The following CCDC73 variants were observed in gnomAD, a reference collection of about 807,000 sequenced individuals.
CCDC73 encodes the protein coiled-coil domain-containing protein 73.
CCDC73 carries 95 observed loss-of-function variants against 116.5 expected under a neutral mutation model. The observed-to-expected ratio is 0.82, with a 90% CI of 0.69 to 0.97. CCDC73 has a LOEUF of 0.97. Among genes scored for constraint, CCDC73 ranks in the 50% least tolerant of loss-of-function variants. CCDC73 has a pLI of 0.00. For missense variants in CCDC73, 1,066 were observed against 1,206.8 expected (o/e 0.88, Z 1.73); for synonymous variants, 398 against 401.3 (o/e 0.99, Z 0.10).
intron 12 of CCDC73, among the ~76,000 whole-genome samples, chr11:32,651,793 T>C (rs894894892): frequency 6.6e-6 from 1 of 152,168 alleles, no homozygotes; most frequent in Non-Finnish European, 1.5e-5. Context: ...CTGATGGTAG[T>C]TTTTATGTGG....
chr11:32,684,151 A>T (rs1292463682), intron 6 of CCDC73, among the ~76,000 whole-genome samples: 1 of 152,126 alleles, frequency 6.6e-6, no homozygotes, highest in African/African-American at 2.4e-5. Context: ...GGGCTCAAGC[A>T]ATCCTCCTGC....
At chr11:32,630,262 A>G (rs992870097) in intron 14 of CCDC73, among the ~76,000 whole-genome samples, 3 of 152,228 alleles carry the variant, frequency 2.0e-5, no homozygotes, top group African/African-American at 7.2e-5. Flanking sequence ...AAACTCTAGA[A>G]TAAGGATTGG....
intron 1 of CCDC73, among the ~76,000 whole-genome samples, chr11:32,767,642 C>T (rs1343654614): frequency 6.6e-6 from 1 of 152,118 alleles, no homozygotes; most frequent in Non-Finnish European, 1.5e-5. Flanking sequence ...ACAAACAACC[C>T]CATCATAAAG....
At chr11:32,702,729 T>G (rs1849824809) in intron 4 of CCDC73, 144 bp downstream of exon 4, 4 of 658,450 alleles carry the variant, frequency 6.1e-6, no homozygotes, top group African/African-American at 1.8e-5. Context: ...TAAAAATGAT[T>G]TTATTCATTT....
At position 32,716,999 on chromosome 11, in the gene CCDC73, C is replaced by T. The variant is rs534960230; in HGVS notation, c.207+1077G>A. On this transcript the variant is annotated intron_variant, in intron 3 of 17. Transcript: ENST00000335185. ...GTACTTAGTATTTACCTATTCTTTCCCTCCATATTCTTTCCCTCCACAGAT... is the reference window on the plus strand; with the variant it reads ...GTACTTAGTATTTACCTATTCTTTCTCTCCATATTCTTTCCCTCCACAGAT... 4.6e-5 allele frequency among the ~76,000 whole-genome samples: 7 copies of T among 152,162 alleles called. No homozygotes were observed. In the South Asian group the frequency reaches 1.5e-3, roughly 32 times the overall value.
At chr11:32,659,534 AAG>A (rs1855903230) in intron 9 of CCDC73, among the ~76,000 whole-genome samples, 1 of 150,062 alleles carries the variant, frequency 6.7e-6, no homozygotes, top group African/African-American at 2.5e-5. Flanking sequence ...AATTTATTTT[AAG>A]AGTAGACGAC....
chr11:32,776,029 T>C (rs1173252559), intron 1 of CCDC73, among the ~76,000 whole-genome samples: 1 of 152,180 alleles, frequency 6.6e-6, no homozygotes, highest in Admixed American at 6.6e-5. Flanking sequence ...CTTTGACATC[T>C]TTCTCTTTCT....
intron 17 of CCDC73, chr11:32,604,327 CTCTT>C (rs1855317373): frequency 6.6e-6 from 1 of 150,870 alleles, no homozygotes; most frequent in Admixed American, 6.6e-5. Context: ...AGGCTGGTCT[CTCTT>C]AACTCTTGGG....
At position 32,696,996 on chromosome 11, in the gene CCDC73, A is replaced by AT. The variant is rs565557844; in HGVS notation, c.390+2254dup. On this transcript the variant is annotated intron_variant, in intron 6 of 17. Coordinates refer to ENST00000335185, the MANE Select transcript of CCDC73 (RefSeq NM_001008391.4). ...AGGTGCTCACCACCACACCCAGCTA[A>AT]TTTTTTTTTTCAGTTTTTTATAGAG... Among the ~76,000 whole-genome samples, 794 of 143,940 alleles carry AT rather than the reference A, an allele frequency of 5.5e-3. 9 individuals carry two copies. Among genetic ancestry groups the AT allele is most frequent in the African/African-American group, 0.019 (729 of 39,012 alleles). 94.4% of individuals were successfully genotyped at this position (143,940 alleles called of 152,430 possible).
At chr11:32,782,775 T>C (rs927071388) in intron 1 of CCDC73, among the ~76,000 whole-genome samples, 1 of 151,422 alleles carries the variant, frequency 6.6e-6, no homozygotes, top group African/African-American at 2.4e-5. Context: ...ATTACATTGA[T>C]GAAAAAAAAG....
At chr11:32,781,611 C>A (rs945385508) in intron 1 of CCDC73, among the ~76,000 whole-genome samples, 1 of 152,124 alleles carries the variant, frequency 6.6e-6, no homozygotes, top group Non-Finnish European at 1.5e-5. Context: ...CTGACCTGGG[C>A]AGAAGATTGG....
Position 32,659,470 on chromosome 11 carries a change from A to G in CCDC73, c.646-4498T>C, listed in dbSNP as rs567582658. 3.9e-5 allele frequency among the ~76,000 whole-genome samples: 6 copies of G among 152,320 alleles called. No homozygotes were observed. The South Asian group carries it at 1.0e-3, about 26-fold the overall frequency. ...AAGCAAAACTCTATCCCAAAACTCT[A>G]TCCTTACAGAGTTTTGGAAGAATGG... is the stretch of plus-strand genomic sequence containing the variant. On this transcript the variant is annotated intron_variant, in intron 9 of 17. Transcript: ENST00000335185.
Position 32,699,307 on chromosome 11 carries a change from T to C in CCDC73, c.334A>G (p.Thr112Ala), listed in dbSNP as rs201222018. The C allele has an allele frequency of 7.0e-6, 11 of 1,576,462 alleles. No individual in the cohort carries two copies. The highest frequency in any genetic ancestry group is 9.5e-6 in the Non-Finnish European group (11 of 1,157,336). Residue 112 changes from threonine to alanine, a missense_variant, in exon 6 of 18, where the codon ACA becomes GCA. By Grantham distance (58) the Thr-to-Ala change is moderately conservative. Coordinates refer to ENST00000335185, the MANE Select transcript of CCDC73 (RefSeq NM_001008391.4). ...TCTATTTCTTTTTCCTTTATTTCTG[T>C]AGCAAGTTGATATTTTCCCTTTAAG... ...EEEKGKYQLATEIKEKEIEGL... is the reference protein window; with the variant it reads ...EEEKGKYQLAAEIKEKEIEGL...
chr11:32,644,712 C>T (rs191639539), intron 12 of CCDC73, among the ~76,000 whole-genome samples: 1 of 152,224 alleles, frequency 6.6e-6, no homozygotes, highest in Admixed American at 6.5e-5. Context: ...ATATAGAGAA[C>T]AGTTTTATTA....
intron 9 of CCDC73, among the ~76,000 whole-genome samples, chr11:32,672,938 T>C (rs1231302723): frequency 6.6e-6 from 1 of 152,160 alleles, no homozygotes; most frequent in Non-Finnish European, 1.5e-5. Context: ...ATAACCAATT[T>C]ATTGGCAGTT....
At chr11:32,677,237 C>T (rs1207285512) in intron 7 of CCDC73, among the ~76,000 whole-genome samples, 2 of 152,262 alleles carry the variant, frequency 1.3e-5, no homozygotes, top group Middle Eastern at 3.4e-3. Context: ...AGCCAGCATC[C>T]ATTTCCCTTA....
At chr11:32,725,943 T>C (rs1445734391) in intron 2 of CCDC73, among the ~76,000 whole-genome samples, 1 of 152,162 alleles carries the variant, frequency 6.6e-6, no homozygotes, top group East Asian at 1.9e-4. Flanking sequence ...CCTAGAATTT[T>C]AGTTGGAACC....
At chr11:32,609,126 A>G (rs1473912963) in intron 17 of CCDC73, among the ~76,000 whole-genome samples, 1 of 152,194 alleles carries the variant, frequency 6.6e-6, no homozygotes, top group African/African-American at 2.4e-5. Context: ...CTTGTTACTT[A>G]TGCATATTTC....
At chr11:32,690,760 C>T (rs1345584863) in intron 6 of CCDC73, among the ~76,000 whole-genome samples, 1 of 152,126 alleles carries the variant, frequency 6.6e-6, no homozygotes, top group Non-Finnish European at 1.5e-5. Context: ...GTTAATTAAA[C>T]CTCTTTTGTT....
Sources: allele counts gnomAD v4.1 joint callset (sites outside exome capture counted in the v4.1 genomes callset), GRCh38; gene constraint gnomAD v4.1.1; transcripts MANE v1.5; gene names NCBI Gene and HGNC (gene_info 2026-07-23, HGNC 2026-07-21).